The following DOCK10 variants were observed in gnomAD, a reference collection of about 807,000 sequenced individuals.
The protein encoded by DOCK10 is dedicator of cytokinesis 10.
DOCK10 carries 145 observed loss-of-function variants against 280.1 expected under a neutral mutation model. That is an observed-to-expected ratio of 0.52 (90% CI 0.45 to 0.59). The LOEUF is 0.59. Among genes scored for constraint, DOCK10 ranks in the 20% least tolerant of loss-of-function variants. The probability of loss-of-function intolerance (pLI) is 0.00; values close to 1 mark genes in which losing one functional copy is unlikely to be tolerated. For missense variants in DOCK10, 2,368 were observed against 2,651.7 expected (o/e 0.89, Z 2.35); for synonymous variants, 915 against 942.2 (o/e 0.97, Z 0.53).
Position 224,853,051 on chromosome 2 carries a change from C to A in DOCK10, c.1960G>T (p.Val654Leu), listed in dbSNP as rs767121238. 2 of 1,611,864 alleles carry A rather than the reference C, an allele frequency of 1.2e-6. No individual in the cohort carries two copies. Among genetic ancestry groups the A allele is most frequent in the African/African-American group, 2.7e-5 (2 of 74,904 alleles). ...MMAQTEPTVE[V>L]EEFVYDSTKY... is the part of the protein sequence containing the mutation. ...GTTGAATCGTAAACAAATTCTTCCA[C>A]CTCCACTGTGGGTTCTGTTTGAGCC... The change falls in exon 17 of 56, where the codon GTG becomes TTG. Residue 654 changes from valine to leucine, a missense_variant. This residue lies in a region of DOCK10 where 1,209 missense variants were observed against 1,250.9 expected (regional missense o/e 0.97). Transcript: ENST00000258390.
At chr2:224,939,734 C>G (rs1575088536) in intron 1 of DOCK10, among the ~76,000 whole-genome samples, 1 of 152,320 alleles carries the variant, frequency 6.6e-6, no homozygotes, top group Non-Finnish European at 1.5e-5. Context: ...TTAATAATCA[C>G]AAAAACATTC....
chr2:224,906,648 A>G (rs1700657946), intron 3 of DOCK10, among the ~76,000 whole-genome samples: 1 of 151,836 alleles, frequency 6.6e-6, no homozygotes, highest in Non-Finnish European at 1.5e-5. Flanking sequence ...CCAGCTAATT[A>G]TTTTGTATTT....
At chr2:224,847,328 A>G (rs1161914330) in intron 19 of DOCK10, among the ~76,000 whole-genome samples, 4 of 152,166 alleles carry the variant, frequency 2.6e-5, no homozygotes, top group African/African-American at 7.2e-5. Flanking sequence ...GCTCTGAGTT[A>G]CTGTGCAGGT....
At position 224,778,835 on chromosome 2, in the gene DOCK10, C is replaced by G. The variant is rs368871842; in HGVS notation, c.5656-551G>C. Reference sequence around the variant, plus strand: ...TAACAGAAATTACATGTGTTATGCTCCCAAGTACTGCTATTTAAAAAATAA... The same window carrying G: ...TAACAGAAATTACATGTGTTATGCTGCCAAGTACTGCTATTTAAAAAATAA... On this transcript the variant is annotated intron_variant, in intron 50 of 55. Transcript: ENST00000258390. Among the ~76,000 whole-genome samples the G allele has an allele frequency of 6.6e-5, 10 of 152,276 alleles. No individual in the cohort carries two copies. The East Asian group carries it at 1.5e-3, about 23-fold the overall frequency.
chr2:224,777,891 G>A (rs1324146631), intron 51 of DOCK10, among the ~76,000 whole-genome samples: 1 of 152,106 alleles, frequency 6.6e-6, no homozygotes, highest in Non-Finnish European at 1.5e-5. Context: ...CTATTCAAAT[G>A]CAAATAACCA....
At position 224,874,756 on chromosome 2, in the gene DOCK10, A is replaced by G. The variant is rs1354543318; in HGVS notation, c.932-5T>C. 6.2e-7 allele frequency: 1 copy of G among 1,612,210 alleles called. No homozygotes were observed. Among genetic ancestry groups the G allele is most frequent in the Non-Finnish European group, 8.5e-7 (1 of 1,178,460 alleles). On this transcript the variant is annotated splice_polypyrimidine_tract_variant and splice_region_variant and intron_variant, in intron 8 of 55. Coordinates refer to ENST00000258390, the MANE Select transcript of DOCK10 (RefSeq NM_014689.3). ...TTACAGAATTATCCAGCGAATCTTA[A>G]AAAGATATACCAAGTCAGGTTATTA...
chr2:224,861,013 A>G (rs1574952924), intron 14 of DOCK10: 1 of 152,236 alleles, frequency 6.6e-6, no homozygotes, highest in African/African-American at 2.4e-5. Flanking sequence ...AATATTTCAC[A>G]ACAGACATCT....
chr2:224,834,323 CTA>C, intron 25 of DOCK10, 60 bp from the exon 26 acceptor site: 1 of 991,378 alleles, frequency 1.0e-6, no homozygotes, highest in African/African-American at 1.6e-5. Flanking sequence ...GCTTCAAAAA[CTA>C]TGTCATGTGA....
intron 1 of DOCK10, among the ~76,000 whole-genome samples, chr2:224,992,335 A>C (rs1179254330): frequency 2.0e-5 from 3 of 152,220 alleles, no homozygotes; most frequent in Non-Finnish European, 4.4e-5. Context: ...CAAACATGAA[A>C]ATGGCAGTCT....
At chr2:224,783,570 A>G (rs1043021206) in intron 50 of DOCK10, among the ~76,000 whole-genome samples, 9 of 152,018 alleles carry the variant, frequency 5.9e-5, no homozygotes, top group African/African-American at 1.7e-4. Flanking sequence ...CACCGCGCCC[A>G]GCCTTGGAAT....
At chr2:224,887,954 A>G (rs1185946305) in intron 4 of DOCK10, among the ~76,000 whole-genome samples, 1 of 152,182 alleles carries the variant, frequency 6.6e-6, no homozygotes, top group East Asian at 1.9e-4. Flanking sequence ...ACCCCTGGTA[A>G]CTGTTGGTGA....
intron 1 of DOCK10, among the ~76,000 whole-genome samples, chr2:224,942,030 A>T (rs1027121087): frequency 6.6e-6 from 1 of 152,184 alleles, no homozygotes; most frequent in Non-Finnish European, 1.5e-5. Flanking sequence ...GGTTGCTGGG[A>T]TCATGACCCT....
intron 48 of DOCK10, 140 bp downstream of exon 48, chr2:224,788,924 T>G (rs1016683935): frequency 4.5e-5 from 27 of 601,148 alleles, no homozygotes; most frequent in Non-Finnish European, 6.9e-5. Flanking sequence ...CTTGGCTTAA[T>G]TTTAGCCTGC....
At chr2:224,935,591 T>C (rs1050054740) in intron 1 of DOCK10, among the ~76,000 whole-genome samples, 4 of 152,180 alleles carry the variant, frequency 2.6e-5, no homozygotes, top group Non-Finnish European at 5.9e-5. Flanking sequence ...AAAATCCCCA[T>C]GCATTAATTT....
rs1400692095 is a variant in DOCK10 at position 224,852,456 on chromosome 2, G to A, written c.2077-14C>T. The A allele has an allele frequency of 3.2e-6, 5 of 1,544,872 alleles. No individual in the cohort carries two copies. Among genetic ancestry groups the A allele is most frequent in the Non-Finnish European group, 4.4e-6 (5 of 1,142,506 alleles). ...TATATTCCGTGCCTGAAATTACGGA[G>A]AGAAAAAATGGAAATTGTAATTTCC... is the stretch of plus-strand genomic sequence containing the variant. On this transcript the variant is annotated splice_polypyrimidine_tract_variant and intron_variant, in intron 17 of 55. Coordinates refer to ENST00000258390, the MANE Select transcript of DOCK10 (RefSeq NM_014689.3).
At chr2:224,913,792 A>G (rs1000237326) in intron 3 of DOCK10, among the ~76,000 whole-genome samples, 1 of 152,086 alleles carries the variant, frequency 6.6e-6, no homozygotes, top group Non-Finnish European at 1.5e-5. Context: ...CAGTGGCACA[A>G]TCTCAGATCA....
At chr2:224,863,727 A>T (rs1385741702) in intron 13 of DOCK10, among the ~76,000 whole-genome samples, 1 of 152,252 alleles carries the variant, frequency 6.6e-6, no homozygotes, top group Non-Finnish European at 1.5e-5. Context: ...CTGGGATTAC[A>T]GGCGTGAGCC....
chr2:224,864,892 C>T lies in DOCK10; in HGVS notation c.1453G>A (p.Glu485Lys). ...SEEPHIKGLPEEWLKFPKQAV... is the reference protein window; with the variant it reads ...SEEPHIKGLPKEWLKFPKQAV... ...TGCTTTGGAAATTTTAGCCATTCCT[C>T]TGGAAGTCCCTTGATGTGAGGTTCT... Residue 485 changes from glutamate (E) to lysine (K), a missense_variant, in exon 12 of 56, where the codon GAG becomes AAG. Transcript: ENST00000258390. The T allele has an allele frequency of 6.2e-7, 1 of 1,613,984 alleles. No homozygotes were observed. The highest frequency in any genetic ancestry group is 8.5e-7 in the Non-Finnish European group (1 of 1,179,894).
intron 18 of DOCK10, among the ~76,000 whole-genome samples, chr2:224,849,868 A>G (rs1475682415): frequency 6.6e-6 from 1 of 152,202 alleles, no homozygotes. Flanking sequence ...GGACAGGAAT[A>G]ATACAGGGTG....
Sources: allele counts gnomAD v4.1 joint callset (sites outside exome capture counted in the v4.1 genomes callset), GRCh38; gene constraint gnomAD v4.1.1; regional missense constraint gnomAD v4.1.1; transcripts MANE v1.5; gene names NCBI Gene and HGNC (gene_info 2026-07-23, HGNC 2026-07-21).